Variants in SSBP2 observed in about 807,000 individuals in gnomAD.
SSBP2 encodes single stranded DNA binding protein 2.
SSBP2 carries 17 observed loss-of-function variants against 61.8 expected under a neutral mutation model. That is an observed-to-expected ratio of 0.28 (90% CI 0.19 to 0.41). The LOEUF (loss-of-function observed/expected upper bound fraction) is 0.41, where lower values mean the gene tolerates loss of function less well. Ranked by LOEUF, SSBP2 falls within the 10% of genes least tolerant of loss-of-function variation. The probability of loss-of-function intolerance (pLI) is 1.00; values close to 1 mark genes in which losing one functional copy is unlikely to be tolerated. For synonymous variants in SSBP2, 139 were observed against 141.3 expected, an observed-to-expected ratio of 0.98 and a Z score of 0.12; for missense variants, 310 against 458.7, an observed-to-expected ratio of 0.68 and a Z score of 2.96.
chr5:81,437,489 T>C, intron 14 of SSBP2, 31 bp from the exon 15 acceptor site: 2 of 1,573,120 alleles, frequency 1.3e-6, no homozygotes, highest in South Asian at 2.3e-5. Flanking sequence ...AAAGCCTTTA[T>C]TAGGTAAGAT....
At chr5:81,450,740 T>C (rs898638633) in intron 10 of SSBP2, among the ~76,000 whole-genome samples, 5 of 152,356 alleles carry the variant, frequency 3.3e-5, no homozygotes, top group South Asian at 2.1e-4. Context: ...ATAACTAAAT[T>C]GCCTCTGCCT....
chr5:81,701,963 C>T (rs1754013172), intron 1 of SSBP2, among the ~76,000 whole-genome samples: 1 of 152,046 alleles, frequency 6.6e-6, no homozygotes, highest in African/African-American at 2.4e-5. Flanking sequence ...AATGTTTTCA[C>T]AGATTATTAA....
At chr5:81,612,454 A>G (rs537815102) in intron 4 of SSBP2, among the ~76,000 whole-genome samples, 1 of 152,288 alleles carries the variant, frequency 6.6e-6, no homozygotes, top group South Asian at 2.1e-4. Context: ...TGGAAAATAC[A>G]GTAATATACA....
At chr5:81,464,135 A>C (rs1252542099) in intron 9 of SSBP2, among the ~76,000 whole-genome samples, 3 of 152,082 alleles carry the variant, frequency 2.0e-5, no homozygotes, top group Admixed American at 2.0e-4. Flanking sequence ...CACAAACTTC[A>C]TAATTCTGCA....
intron 4 of SSBP2, among the ~76,000 whole-genome samples, chr5:81,563,390 A>C (rs1773194082): frequency 2.0e-5 from 3 of 152,226 alleles, no homozygotes; most frequent in Non-Finnish European, 4.4e-5. Flanking sequence ...ATGTAAAAAA[A>C]AATTCTAAAG....
chr5:81,510,165 A>G (rs1000396264), intron 5 of SSBP2, among the ~76,000 whole-genome samples: 5 of 152,202 alleles, frequency 3.3e-5, no homozygotes, highest in Middle Eastern at 3.4e-3. Context: ...TGCAATTTTT[A>G]TCTCTAGTTT....
At chr5:81,688,652 T>C (rs577112566) in intron 1 of SSBP2, among the ~76,000 whole-genome samples, 2 of 152,340 alleles carry the variant, frequency 1.3e-5, no homozygotes, top group East Asian at 3.9e-4. Flanking sequence ...AGATCTCATG[T>C]AAGACCAACA....
chr5:81,718,190 G>A (rs969494636), intron 1 of SSBP2, among the ~76,000 whole-genome samples: 8 of 151,998 alleles, frequency 5.3e-5, no homozygotes, highest in African/African-American at 1.7e-4. Context: ...ATTATGCGCA[G>A]GGAAATGTAT....
intron 4 of SSBP2, among the ~76,000 whole-genome samples, chr5:81,550,970 C>T (rs1260873774): frequency 6.6e-6 from 1 of 151,886 alleles, no homozygotes; most frequent in Non-Finnish European, 1.5e-5. Context: ...GTGGCAGGCG[C>T]CTGTAGTCCC....
At chr5:81,589,133 G>GAAACAAACAAAAC (rs1441340575) in intron 4 of SSBP2, among the ~76,000 whole-genome samples, 1 of 152,026 alleles carries the variant, frequency 6.6e-6, no homozygotes, top group Non-Finnish European at 1.5e-5. Context: ...GTACTTACTA[G>GAAACAAACAAAAC]AAACAAACAA....
intron 4 of SSBP2, among the ~76,000 whole-genome samples, chr5:81,535,783 C>T (rs1226760512): frequency 6.6e-6 from 1 of 151,712 alleles, no homozygotes; most frequent in Non-Finnish European, 1.5e-5. Flanking sequence ...CACAGACATA[C>T]AAGTAAAATG....
chr5:81,624,465 A>AC (rs1746936130), intron 3 of SSBP2, among the ~76,000 whole-genome samples: 2 of 152,162 alleles, frequency 1.3e-5, no homozygotes, highest in Admixed American at 6.5e-5. Context: ...TTATACTTAT[A>AC]CTTAGTGGTT....
chr5:81,568,460 T>C (rs534332112), intron 4 of SSBP2, among the ~76,000 whole-genome samples: 10 of 152,330 alleles, frequency 6.6e-5, no homozygotes, highest in Admixed American at 6.5e-4. Context: ...ATTTAACCTC[T>C]TTCTTTTGTA....
chr5:81,550,337 T>C (rs1002300398), intron 4 of SSBP2, among the ~76,000 whole-genome samples: 5 of 152,190 alleles, frequency 3.3e-5, no homozygotes, highest in Non-Finnish European at 7.4e-5. Context: ...AGGGCCACAA[T>C]CCTATCTTAT....
intron 2 of SSBP2, among the ~76,000 whole-genome samples, chr5:81,641,765 G>A (rs1350176790): frequency 6.6e-6 from 1 of 152,190 alleles, no homozygotes; most frequent in Non-Finnish European, 1.5e-5. Flanking sequence ...AGTGGTGACT[G>A]TAAAATAAAT....
intron 15 of SSBP2, 124 bp from the exon 16 acceptor site, chr5:81,428,807 A>G (rs1762112813): frequency 1.6e-6 from 1 of 617,608 alleles, no homozygotes; most frequent in Non-Finnish European, 2.8e-6. Context: ...TTAATCTTAG[A>G]CTTCTACCAT....
At chr5:81,658,057 G>A (rs1437954872) in intron 1 of SSBP2, among the ~76,000 whole-genome samples, 1 of 152,024 alleles carries the variant, frequency 6.6e-6, no homozygotes, top group African/African-American at 2.4e-5. Context: ...TGTGTGTGGT[G>A]AGAACACTTA....
chr5:81,652,946 T>A (rs1749866092), intron 1 of SSBP2, among the ~76,000 whole-genome samples: 1 of 151,734 alleles, frequency 6.6e-6, no homozygotes, highest in Non-Finnish European at 1.5e-5. Context: ...TGTATCACTT[T>A]TTTTTTTTTC....
intron 5 of SSBP2, among the ~76,000 whole-genome samples, chr5:81,509,228 T>G (rs1349050052): frequency 1.3e-5 from 2 of 152,338 alleles, no homozygotes; most frequent in Admixed American, 1.3e-4. Flanking sequence ...TCTTTTCCAG[T>G]TGCTTCCATT....
Sources: allele counts gnomAD v4.1 joint callset (sites outside exome capture counted in the v4.1 genomes callset), GRCh38; gene constraint gnomAD v4.1.1; transcripts MANE v1.5; gene names NCBI Gene and HGNC (gene_info 2026-07-23, HGNC 2026-07-21).